The following AFAP1 variants were observed in gnomAD, a reference collection of about 807,000 sequenced individuals.
AFAP1 encodes the protein actin filament associated protein 1.
Under a neutral mutation model 93.9 loss-of-function variants are expected in AFAP1, and 75 were observed. The ratio of observed to expected loss-of-function variants is 0.80; its 90% CI spans 0.66 to 0.97. The LOEUF (loss-of-function observed/expected upper bound fraction) is 0.97, where lower values mean the gene tolerates loss of function less well. AFAP1 is among the 50% of genes least tolerant of loss of function. The pLI, the probability that AFAP1 is intolerant of heterozygous loss-of-function variation, is 0.00. For synonymous variants in AFAP1, 517 were observed against 430.7 expected (o/e 1.20, Z -2.48); for missense variants, 1,201 against 1,050.8 (o/e 1.14, Z -1.98).
chr4:7,768,507 G>A (rs955006791), intron 17 of AFAP1, among the ~76,000 whole-genome samples: 16 of 152,080 alleles, frequency 1.1e-4, no homozygotes, highest in African/African-American at 1.7e-4. Context: ...GGACTTCAGC[G>A]GTCTCCTGGT....
chr4:7,769,374 G>A (rs980493785), intron 16 of AFAP1, among the ~76,000 whole-genome samples: 1 of 152,220 alleles, frequency 6.6e-6, no homozygotes, highest in Non-Finnish European at 1.5e-5. Flanking sequence ...AAGGTTTTGA[G>A]CTTTTCTGGG....
intron 1 of AFAP1, among the ~76,000 whole-genome samples, chr4:7,934,537 T>C (rs768775469): frequency 6.6e-6 from 1 of 152,080 alleles, no homozygotes; most frequent in African/African-American, 2.4e-5. Flanking sequence ...TTATTAGCCT[T>C]TGTACTCCCA....
chr4:7,837,911 G>T (rs1413926607), intron 6 of AFAP1, among the ~76,000 whole-genome samples: 2 of 152,172 alleles, frequency 1.3e-5, no homozygotes, highest in African/African-American at 4.8e-5. Flanking sequence ...TAACTTGGGA[G>T]GCTGAGGTGG....
intron 8 of AFAP1, among the ~76,000 whole-genome samples, chr4:7,813,241 G>A (rs35592594): frequency 0.21 from 31,590 of 152,164 alleles, 4,289 homozygotes; most frequent in Non-Finnish European, 0.31. Context: ...TCTCTCAGGT[G>A]CAAACTGGTC....
intron 17 of AFAP1, among the ~76,000 whole-genome samples, chr4:7,766,911 T>A (rs1487058183): frequency 6.7e-6 from 1 of 149,392 alleles, no homozygotes; most frequent in Non-Finnish European, 1.5e-5. Flanking sequence ...TCACCGAGAG[T>A]TGGAAGGTAT....
intron 1 of AFAP1, among the ~76,000 whole-genome samples, chr4:7,909,648 G>C (rs1359603739): frequency 6.6e-6 from 1 of 152,158 alleles, no homozygotes; most frequent in African/African-American, 2.4e-5. Flanking sequence ...CAAAGCGCAA[G>C]AGCCATTCTA....
intron 3 of AFAP1, among the ~76,000 whole-genome samples, chr4:7,859,239 T>C (rs1394461048): frequency 6.6e-6 from 1 of 152,058 alleles, no homozygotes; most frequent in Admixed American, 6.5e-5. Context: ...GCCAACATGA[T>C]GAAACCCCAT....
chr4:7,779,574 C>T (rs570041534), intron 13 of AFAP1, among the ~76,000 whole-genome samples: 1 of 152,248 alleles, frequency 6.6e-6, no homozygotes, highest in Non-Finnish European at 1.5e-5. Context: ...AGGCTCACTC[C>T]AGCATCCACG....
At chr4:7,933,508 C>A (rs954239173) in intron 1 of AFAP1, among the ~76,000 whole-genome samples, 2 of 151,916 alleles carry the variant, frequency 1.3e-5, no homozygotes, top group African/African-American at 2.4e-5. Flanking sequence ...CAGAGGCAGA[C>A]GTTGCAGTGA....
intron 1 of AFAP1, among the ~76,000 whole-genome samples, chr4:7,916,587 C>T (rs1720095913): frequency 6.6e-6 from 1 of 152,144 alleles, no homozygotes; most frequent in Admixed American, 6.5e-5. Context: ...CCCTCTAGTC[C>T]CAGGATGACT....
In AFAP1 at chr4:7,818,773, C is replaced by T. The variant is rs183050929; in HGVS notation, c.822+303G>A. 2.2e-3 allele frequency among the ~76,000 whole-genome samples: 339 copies of T among 152,366 alleles called. 1 individual carries two copies. Among genetic ancestry groups the T allele is most frequent in the African/African-American group, 7.9e-3 (328 of 41,588 alleles). ...ACGCCTGCTGTATTCCGGAAGTAGA[C>T]AGGCTTGCCTTCAGACTTCAGCTCT... is the stretch of plus-strand genomic sequence containing the variant. On this transcript the variant is annotated intron_variant, in intron 7 of 17. Coordinates refer to ENST00000420658, the MANE Select transcript of AFAP1 (RefSeq NM_001134647.2).
In AFAP1 at chr4:7,838,654, T is replaced by G. The variant is rs375241842; in HGVS notation, c.596A>C (p.Gln199Pro). The change falls in exon 6 of 18, where the codon CAA (glutamine) becomes CCA (proline). Residue 199 changes from glutamine to proline, a missense_variant. By Grantham distance (76) the Gln-to-Pro change is moderately conservative. Transcript: ENST00000420658. ...DQQPQMELPL[Q>P]GCNITYIPKD... The stretch of plus-strand genomic sequence containing the variant: ...CGGGATGTACGTAATGTTACAGCCT[T>G]GGAGTGGCAGTTCCATCTGAGGCTG... The G allele has an allele frequency of 6.2e-7, 1 of 1,614,056 alleles. No individual in the cohort carries two copies. Among genetic ancestry groups the G allele is most frequent in the African/African-American group, 1.3e-5 (1 of 74,916 alleles).
At chr4:7,859,745 T>C (rs1347480091) in intron 3 of AFAP1, among the ~76,000 whole-genome samples, 2 of 152,192 alleles carry the variant, frequency 1.3e-5, no homozygotes, top group African/African-American at 2.4e-5. Flanking sequence ...CACAGTAATA[T>C]AACCTAGGCT....
intron 8 of AFAP1, among the ~76,000 whole-genome samples, chr4:7,813,564 C>T (rs1364895178): frequency 1.3e-5 from 2 of 152,216 alleles, no homozygotes; most frequent in East Asian, 1.9e-4. Flanking sequence ...ACCAAACCAA[C>T]GTCTGCTGTG....
At chr4:7,801,914 CAAAAAAAAAA>C (rs531684652) in intron 9 of AFAP1, among the ~76,000 whole-genome samples, 5 of 65,186 alleles carry the variant, frequency 7.7e-5, no homozygotes, top group African/African-American at 2.4e-4. Context: ...GACCCTATCA[CAAAAAAAAAA>C]AAAAAAAAAA....
chr4:7,767,449 T>TGTC (rs1714764803), intron 17 of AFAP1, among the ~76,000 whole-genome samples: 1 of 152,178 alleles, frequency 6.6e-6, no homozygotes, highest in Admixed American at 6.5e-5. Context: ...CTAAGTGGGA[T>TGTC]GTCATTGGGC....
In AFAP1 at chr4:7,868,058, A is replaced by G. The variant is rs186884320; in HGVS notation, c.225+564T>C. On this transcript the variant is annotated intron_variant, in intron 3 of 17. Coordinates refer to ENST00000420658, the MANE Select transcript of AFAP1 (RefSeq NM_001134647.2). Reference sequence around the variant, plus strand: ...TATAGAAAAAGCTGAATGGTACATAAAAGTTTGCAAATGAGGGAATCGCCA... The same window carrying G: ...TATAGAAAAAGCTGAATGGTACATAGAAGTTTGCAAATGAGGGAATCGCCA... 5.2e-4 allele frequency among the ~76,000 whole-genome samples: 79 copies of G among 152,228 alleles called. 1 individual carries two copies. The highest frequency in any genetic ancestry group is 2.2e-3 in the Admixed American group (34 of 15,294).
At chr4:7,880,783 C>G (rs1419302197) in intron 1 of AFAP1, among the ~76,000 whole-genome samples, 1 of 152,192 alleles carries the variant, frequency 6.6e-6, no homozygotes, top group African/African-American at 2.4e-5. Context: ...CTCCGCTCTC[C>G]TACAAACCTG....
At chr4:7,889,542 CAAA>C (rs576725041) in intron 1 of AFAP1, among the ~76,000 whole-genome samples, 2 of 60,672 alleles carry the variant, frequency 3.3e-5, no homozygotes, top group Non-Finnish European at 3.5e-5. Context: ...AACTCCATCC[CAAA>C]AAAAAAAAAA....
Sources: gnomAD v4.1 joint callset for allele counts (sites outside exome capture counted in the v4.1 genomes callset) on GRCh38, gnomAD v4.1.1 for gene constraint, MANE v1.5 for transcripts, NCBI Gene and HGNC (gene_info 2026-07-23, HGNC 2026-07-21) for gene names.